ARHGAP23: variants seen among roughly 807,000 people sequenced by gnomAD.
The protein encoded by ARHGAP23 is Rho GTPase activating protein 23, also known as rho GTPase-activating protein 23.
ARHGAP23 carries 34 observed loss-of-function variants against 136.3 expected under a neutral mutation model. The observed-to-expected ratio is 0.25, with a 90% CI of 0.19 to 0.33. ARHGAP23 has a LOEUF of 0.33. ARHGAP23 is among the 10% of genes least tolerant of loss of function. ARHGAP23 has a pLI of 1.00. For missense variants in ARHGAP23, 1,808 were observed against 2,139.0 expected (o/e 0.85, Z 3.05); for synonymous variants, 832 against 920.5 (o/e 0.90, Z 1.74).
intron 1 of ARHGAP23, among the ~76,000 whole-genome samples, chr17:38,433,302 G>A (rs2038724546): frequency 6.6e-6 from 1 of 152,054 alleles, no homozygotes; most frequent in South Asian, 2.1e-4. Context: ...ATTACAGAGA[G>A]GGCTAAATGA....
intron 23 of ARHGAP23, among the ~76,000 whole-genome samples, chr17:38,502,622 T>C (rs1206640944): frequency 6.6e-6 from 1 of 152,078 alleles, no homozygotes; most frequent in Non-Finnish European, 1.5e-5. Context: ...AGAAACCAGA[T>C]GGAATGAGCT....
intron 12 of ARHGAP23, among the ~76,000 whole-genome samples, chr17:38,478,941 G>A (rs1286534302): frequency 6.6e-6 from 1 of 152,152 alleles, no homozygotes; most frequent in African/African-American, 2.4e-5. Context: ...CTCTTGCTGA[G>A]GTCACATCCT....
At chr17:38,450,631 C>T (rs1352576246) in intron 1 of ARHGAP23, 3 of 152,162 alleles carry the variant, frequency 2.0e-5, no homozygotes, top group Non-Finnish European at 4.4e-5. Flanking sequence ...TGGTCTCAAA[C>T]TCCTGGGCTC....
chr17:38,425,544 C>T, upstream of ARHGAP23, among the ~76,000 whole-genome samples: 1 of 152,160 alleles, frequency 6.6e-6, no homozygotes, highest in East Asian at 1.9e-4. Context: ...CTCCTCTACC[C>T]CCTCACATAG....
At chr17:38,442,734 C>T (rs2038946365) in intron 1 of ARHGAP23, among the ~76,000 whole-genome samples, 1 of 152,206 alleles carries the variant, frequency 6.6e-6, no homozygotes, top group Non-Finnish European at 1.5e-5. Context: ...GCCTGGTCCT[C>T]ACAGGAGGTG....
chr17:38,443,876 G>A (rs2038973227), intron 1 of ARHGAP23, among the ~76,000 whole-genome samples: 1 of 152,158 alleles, frequency 6.6e-6, no homozygotes, highest in Non-Finnish European at 1.5e-5. Flanking sequence ...TGCCCAGGCT[G>A]TCAGACAACA....
intron 1 of ARHGAP23, 81 bp from the exon 2 acceptor site, chr17:38,458,021 C>T: frequency 6.7e-7 from 1 of 1,498,758 alleles, no homozygotes; most frequent in Non-Finnish European, 8.9e-7. Context: ...CCCTCCGGTC[C>T]TGTGGGCTGC....
rs2039445499 is a variant in ARHGAP23, at chr17:38,460,944, C to T, written c.253+12C>T. The T allele has an allele frequency of 6.5e-7, 1 of 1,535,892 alleles. No individual in the cohort carries two copies. On this transcript the variant is annotated intron_variant, in intron 3 of 23. Coordinates refer to ENST00000622683, the MANE Select transcript of ARHGAP23 (RefSeq NM_001199417.2). ...AGGCCGTGGAGGAGGTAAGGGAGGA[C>T]TGGCGGGCGCTGGACCTGCACGGGA...
chr17:38,439,835 C>T (rs556525435), intron 1 of ARHGAP23, among the ~76,000 whole-genome samples: 1 of 151,092 alleles, frequency 6.6e-6, no homozygotes, highest in Non-Finnish European at 1.5e-5. Flanking sequence ...AGTGCGGTGG[C>T]GCGATCTTGG....
At chr17:38,431,144 C>T (rs1479325490) in intron 1 of ARHGAP23, among the ~76,000 whole-genome samples, 2 of 152,198 alleles carry the variant, frequency 1.3e-5, no homozygotes, top group Non-Finnish European at 2.9e-5. Context: ...CTATGTCCCG[C>T]TGTCACTCCC....
chr17:38,480,008 G>T, intron 14 of ARHGAP23, 125 bp downstream of exon 14: 9 of 1,366,048 alleles, frequency 6.6e-6, no homozygotes, highest in South Asian at 5.6e-5. Flanking sequence ...AGGGCTACCG[G>T]TATGTCTGTC....
chr17:38,475,393 C>T (rs956187978), intron 11 of ARHGAP23, among the ~76,000 whole-genome samples: 1 of 152,206 alleles, frequency 6.6e-6, no homozygotes, highest in African/African-American at 2.4e-5. Flanking sequence ...AGAGAGGTGC[C>T]CTTGTCACCA....
chr17:38,497,886 T>G, intron 21 of ARHGAP23, 60 bp downstream of exon 21: 1 of 1,508,712 alleles, frequency 6.6e-7, no homozygotes, highest in South Asian at 1.2e-5. Context: ...CCCCAGTCCT[T>G]GGGGGTGGGG....
intron 23 of ARHGAP23, among the ~76,000 whole-genome samples, chr17:38,507,477 C>G (rs2040660531): frequency 6.6e-6 from 1 of 152,034 alleles, no homozygotes; most frequent in African/African-American, 2.4e-5. Flanking sequence ...CTCCTGCTGG[C>G]CCCCTGCTTT....
chr17:38,482,423 G>C, intron 15 of ARHGAP23, 100 bp from the exon 16 acceptor site: 1 of 1,197,864 alleles, frequency 8.3e-7, no homozygotes, highest in African/African-American at 1.5e-5. Context: ...TCCCCCCAAG[G>C]GTTCCTGGCA....
intron 22 of ARHGAP23, chr17:38,498,860 C>T (rs571638796): frequency 3.4e-5 from 24 of 696,526 alleles, no homozygotes; most frequent in South Asian, 1.5e-4. Flanking sequence ...CTTGCACCCC[C>T]GCCTCTCCCT....
At chr17:38,454,736 T>A (rs955079840) in intron 1 of ARHGAP23, among the ~76,000 whole-genome samples, 3 of 152,120 alleles carry the variant, frequency 2.0e-5, no homozygotes, top group Non-Finnish European at 1.5e-5. Context: ...GTGGGCGCCA[T>A]GCCCGGCCTG....
intron 1 of ARHGAP23, among the ~76,000 whole-genome samples, chr17:38,441,428 C>CCT (rs1404197300): frequency 6.6e-6 from 1 of 152,174 alleles, no homozygotes; most frequent in Non-Finnish European, 1.5e-5. Flanking sequence ...TCCCCCTTCC[C>CCT]CTCCTCCCTT....
intron 3 of ARHGAP23, among the ~76,000 whole-genome samples, chr17:38,461,665 C>T (rs557210522): frequency 2.6e-4 from 39 of 151,792 alleles, no homozygotes; most frequent in African/African-American, 8.2e-4. Context: ...GGGTGCAATG[C>T]GATTTGTGCC....
Sources: gnomAD v4.1 joint callset for allele counts (sites outside exome capture counted in the v4.1 genomes callset) on GRCh38, gnomAD v4.1.1 for gene constraint, MANE v1.5 for transcripts, NCBI Gene and HGNC (gene_info 2026-07-23, HGNC 2026-07-21) for gene names.